PDK1: variants seen among roughly 807,000 people sequenced by gnomAD.
PDK1 encodes the protein pyruvate dehydrogenase kinase 1.
A neutral mutation model predicts 54.2 loss-of-function variants in PDK1; 39 were observed. That is an observed-to-expected ratio of 0.72 (90% CI 0.56 to 0.94). The LOEUF is 0.94. PDK1 is among the 40% of genes least tolerant of loss of function. The probability of loss-of-function intolerance (pLI) is 0.00; values close to 1 mark genes in which losing one functional copy is unlikely to be tolerated. For synonymous variants in PDK1, 221 were observed against 207.1 expected (o/e 1.07, Z -0.58); for missense variants, 552 against 566.0 (o/e 0.98, Z 0.25).
At chr2:172,577,542 A>G (rs1689645202) in intron 8 of PDK1, among the ~76,000 whole-genome samples, 1 of 152,068 alleles carries the variant, frequency 6.6e-6, no homozygotes, top group African/African-American at 2.4e-5. Flanking sequence ...GTCTTTTGTT[A>G]AAATATTTTG....
At chr2:172,664,849 G>A in the PDK1 span, among the ~76,000 whole-genome samples, 10 of 152,194 alleles carry the variant, frequency 6.6e-5, no homozygotes, top group Non-Finnish European at 1.0e-4. Context: ...TGTTTTATCA[G>A]AGGAGAATTT....
At chr2:172,584,974 T>G (rs1291358095) in intron 8 of PDK1, among the ~76,000 whole-genome samples, 3 of 151,722 alleles carry the variant, frequency 2.0e-5, no homozygotes, top group Non-Finnish European at 4.4e-5. Context: ...CCACCCAATA[T>G]ATGCTTTTCT....
At chr2:172,655,658 G>T in the PDK1 span, among the ~76,000 whole-genome samples, 1 of 152,212 alleles carries the variant, frequency 6.6e-6, no homozygotes, top group Non-Finnish European at 1.5e-5. Context: ...TGTCTGTTTG[G>T]TCACCATCCC....
intron 8 of PDK1, among the ~76,000 whole-genome samples, chr2:172,579,892 A>C (rs1380871707): frequency 6.7e-6 from 1 of 150,000 alleles, no homozygotes; most frequent in Non-Finnish European, 1.5e-5. Context: ...TCATGACATC[A>C]CTCCCTGTTT....
chr2:172,700,897 G>A, the PDK1 span, among the ~76,000 whole-genome samples: 11 of 152,134 alleles, frequency 7.2e-5, no homozygotes, highest in African/African-American at 2.7e-4. Context: ...CAGGCACTCC[G>A]CATGCCGAGG....
chr2:172,612,949 C>T (rs542630940), downstream of PDK1, among the ~76,000 whole-genome samples: 6 of 152,310 alleles, frequency 3.9e-5, no homozygotes, highest in East Asian at 9.6e-4. Flanking sequence ...CATGAGCCAC[C>T]GCACCCGGCC....
At chr2:172,668,942 G>T in the PDK1 span, among the ~76,000 whole-genome samples, 2 of 147,196 alleles carry the variant, frequency 1.4e-5, no homozygotes, top group African/African-American at 2.5e-5. Context: ...GAGAGAGAAA[G>T]AGAGAGAGAC....
intron 8 of PDK1, among the ~76,000 whole-genome samples, chr2:172,574,299 G>A (rs916270450): frequency 2.0e-5 from 3 of 152,198 alleles, no homozygotes; most frequent in Admixed American, 6.5e-5. Flanking sequence ...TATATCTCTC[G>A]TTATGCAAGT....
At chr2:172,585,061 A>T (rs1690141423) in intron 8 of PDK1, among the ~76,000 whole-genome samples, 1 of 151,944 alleles carries the variant, frequency 6.6e-6, no homozygotes, top group South Asian at 2.1e-4. Context: ...CAGTGGTGCC[A>T]TCATACCTCA....
upstream of PDK1, chr2:172,556,057 C>G: frequency 1.0e-6 from 1 of 978,892 alleles, no homozygotes; most frequent in Non-Finnish European, 1.4e-6. Context: ...AGCCGATCCC[C>G]GCCCCTGCTG....
At chr2:172,562,664 A>G (rs1431025378) in intron 3 of PDK1, 6 of 812,862 alleles carry the variant, frequency 7.4e-6, no homozygotes, top group Admixed American at 4.3e-5. Flanking sequence ...AAGGAAAGCT[A>G]CAAGTCTAGA....
At position 172,564,578 on chromosome 2, in the gene PDK1, A is replaced by G; in HGVS notation, c.486A>G (p.Glu162=). ...CCACAATGGCCCAGGGTGTGATTGA[A>G]TACAAGGAGAGCTTTGGGGTGGATC... ...VIPTMAQGVI[E]YKESFGVDPV... is the part of the protein sequence containing the mutation. Residue 162 remains glutamate (E), a synonymous_variant, in exon 4 of 11, where the codon GAA becomes GAG. Transcript: ENST00000282077. The G allele has an allele frequency of 1.2e-6, 2 of 1,614,118 alleles. No homozygotes were observed. Among genetic ancestry groups the G allele is most frequent in the South Asian group, 1.1e-5 (1 of 91,082 alleles).
chr2:172,637,730 C>T, the PDK1 span, among the ~76,000 whole-genome samples: 3 of 152,164 alleles, frequency 2.0e-5, no homozygotes, highest in Non-Finnish European at 4.4e-5. Context: ...GAGTCTCGCT[C>T]TGTCGTCCAG....
the PDK1 span, among the ~76,000 whole-genome samples, chr2:172,658,931 G>T: frequency 1.3e-3 from 203 of 152,194 alleles, 1 homozygote; most frequent in African/African-American, 4.7e-3. Flanking sequence ...TTTTGATTTT[G>T]CCCTTTGCCT....
At chr2:172,667,704 T>C in the PDK1 span, among the ~76,000 whole-genome samples, 827 of 152,386 alleles carry the variant, frequency 5.4e-3, 6 homozygotes, top group Middle Eastern at 0.01. Flanking sequence ...AAGGTAATTC[T>C]GTATTCTGTA....
At chr2:172,718,410 A>G in the PDK1 span, among the ~76,000 whole-genome samples, 1 of 152,250 alleles carries the variant, frequency 6.6e-6, no homozygotes. Context: ...TTTCATGTAG[A>G]TATAAAAATA....
At chr2:172,658,848 C>A in the PDK1 span, among the ~76,000 whole-genome samples, 1 of 152,154 alleles carries the variant, frequency 6.6e-6, no homozygotes, top group Non-Finnish European at 1.5e-5. Flanking sequence ...TGCTCTCAAA[C>A]CCTGTTTTCT....
chr2:172,657,057 G>C, the PDK1 span, among the ~76,000 whole-genome samples: 3 of 152,098 alleles, frequency 2.0e-5, no homozygotes, highest in African/African-American at 7.2e-5. Context: ...TTTTATTACT[G>C]GGCTTCTGTT....
the PDK1 span, among the ~76,000 whole-genome samples, chr2:172,614,780 T>G: frequency 6.6e-6 from 1 of 152,246 alleles, no homozygotes; most frequent in Admixed American, 6.5e-5. Flanking sequence ...TCAGGCACCA[T>G]GGCCATAGAG....
Sources: gnomAD v4.1 joint callset for allele counts (sites outside exome capture counted in the v4.1 genomes callset) on GRCh38, gnomAD v4.1.1 for gene constraint, MANE v1.5 for transcripts, NCBI Gene and HGNC (gene_info 2026-07-23, HGNC 2026-07-21) for gene names.